EXOC4: variants seen among roughly 807,000 people sequenced by gnomAD.
The protein encoded by EXOC4 is SEC8-like 1.
A neutral mutation model predicts 107.2 loss-of-function variants in EXOC4; 71 were observed. The ratio of observed to expected loss-of-function variants is 0.66; its 90% CI spans 0.55 to 0.81. EXOC4 has a LOEUF of 0.81. EXOC4 is among the 30% of genes least tolerant of loss of function. The pLI, the probability that EXOC4 is intolerant of heterozygous loss-of-function variation, is 0.00. For missense variants in EXOC4, 1,108 were observed against 1,189.6 expected (o/e 0.93, Z 1.01); for synonymous variants, 456 against 441.2 (o/e 1.03, Z -0.42).
intron 10 of EXOC4, among the ~76,000 whole-genome samples, chr7:133,755,244 A>ATATATATTATATATATAATATATAGAT (rs1795878729): frequency 1.2e-5 from 1 of 82,324 alleles, no homozygotes; most frequent in African/African-American, 5.8e-5. Context: ...AATATATATA[A>ATATATATTATATATATAATATATAGAT]TATATATATT....
rs546684632 is a variant in EXOC4 at position 133,469,364 on chromosome 7, C to T, written c.1183-5964C>T. ...CTGGGAGGTGGCGGATGCAGTGAGCCGAGATCGTGCCACTGCACTCCAGCC... is the reference window on the plus strand; with the variant it reads ...CTGGGAGGTGGCGGATGCAGTGAGCTGAGATCGTGCCACTGCACTCCAGCC... On this transcript the variant is annotated intron_variant, in intron 7 of 17. Transcript: ENST00000253861. Among the ~76,000 whole-genome samples, 8 of 151,848 alleles carry T rather than the reference C, an allele frequency of 5.3e-5. 1 individual carries two copies. The South Asian group carries it at 8.3e-4, about 16-fold the overall frequency.
intron 9 of EXOC4, among the ~76,000 whole-genome samples, chr7:133,504,285 T>G (rs1371366087): frequency 1.3e-5 from 2 of 152,108 alleles, no homozygotes; most frequent in Admixed American, 1.3e-4. Context: ...GCATAGTAAT[T>G]AAGTGTGAAT....
chr7:134,069,339 TCTC>T (rs1287905345), downstream of EXOC4, among the ~76,000 whole-genome samples: 228 of 132,054 alleles, frequency 1.7e-3, no homozygotes, highest in Middle Eastern at 0.013. Flanking sequence ...TTCTCCTCCT[TCTC>T]CTCCTCCTTC....
At chr7:133,774,631 C>T (rs1796308938) in intron 10 of EXOC4, among the ~76,000 whole-genome samples, 1 of 151,810 alleles carries the variant, frequency 6.6e-6, no homozygotes, top group South Asian at 2.1e-4. Flanking sequence ...GCAGTTTAAA[C>T]AATCTACTTT....
chr7:133,581,841 T>C (rs1008770917), intron 9 of EXOC4, among the ~76,000 whole-genome samples: 2 of 150,990 alleles, frequency 1.3e-5, no homozygotes, highest in African/African-American at 4.9e-5. Flanking sequence ...CAGTTCTGCA[T>C]GGCTGGAGAG....
chr7:133,771,403 C>A (rs1796241901), intron 10 of EXOC4: 2 of 151,910 alleles, frequency 1.3e-5, no homozygotes, highest in African/African-American at 4.8e-5. Context: ...ATTCAGGCCT[C>A]ATTTCATCTT....
At chr7:134,075,826 C>G in the EXOC4 span, among the ~76,000 whole-genome samples, 2 of 152,190 alleles carry the variant, frequency 1.3e-5, no homozygotes, top group Admixed American at 6.5e-5. Context: ...TCAGTGCCCC[C>G]TCTGTCACAA....
At chr7:133,860,865 G>A (rs1798519462) in intron 11 of EXOC4, among the ~76,000 whole-genome samples, 1 of 149,242 alleles carries the variant, frequency 6.7e-6, no homozygotes, top group Non-Finnish European at 1.5e-5. Flanking sequence ...CAACATGTAT[G>A]TGTTTATTTC....
At chr7:133,260,756 A>G (rs769966308) in intron 1 of EXOC4, among the ~76,000 whole-genome samples, 3 of 152,048 alleles carry the variant, frequency 2.0e-5, no homozygotes, top group Non-Finnish European at 4.4e-5. Flanking sequence ...TGGATGGTAT[A>G]TGTCTCCATT....
chr7:133,932,960 C>G (rs1456945159), intron 13 of EXOC4, among the ~76,000 whole-genome samples: 1 of 151,892 alleles, frequency 6.6e-6, no homozygotes, highest in Non-Finnish European at 1.5e-5. Flanking sequence ...AAAATGTGAT[C>G]AGATACAGCA....
Position 134,007,699 on chromosome 7 carries a change from A to T in EXOC4, c.2551A>T (p.Ile851Phe). ...FEGLGHLISC[I>F]LINGAQYFRR... ...AGGCCTGGGCCACCTGATCTCCTGC[A>T]TCCTCATTAATGGTGCCCAGTACTT... The change falls in exon 17 of 18, where the codon ATC becomes TTC. Residue 851 changes from isoleucine to phenylalanine, a missense_variant. By Grantham distance (21) the Ile-to-Phe change is conservative. Transcript: ENST00000253861. 6.2e-7 allele frequency: 1 copy of T among 1,613,488 alleles called. No homozygotes were observed. Among genetic ancestry groups the T allele is most frequent in the Non-Finnish European group, 8.5e-7 (1 of 1,179,676 alleles).
the EXOC4 span, among the ~76,000 whole-genome samples, chr7:134,072,605 G>A: frequency 5.3e-5 from 8 of 152,148 alleles, no homozygotes; most frequent in East Asian, 3.9e-4. Flanking sequence ...TAAACTGTTC[G>A]CTATGCTAAG....
chr7:133,789,762 TTCTC>T lies in EXOC4; in HGVS notation c.1515-27561_1515-27558del, dbSNP rs550458928. ...TTGCAGGGTATGATGGGGAAAGACT[TTCTC>T]TGTTCAATTTCAGTTTCTAAGAATA... On this transcript the variant is annotated intron_variant, in intron 10 of 17. Coordinates refer to ENST00000253861, the MANE Select transcript of EXOC4 (RefSeq NM_021807.4). Among the ~76,000 whole-genome samples, 7 of 152,330 alleles carry T rather than the reference TTCTC, an allele frequency of 4.6e-5. No homozygotes were observed. In the East Asian group the frequency reaches 1.3e-3, roughly 29 times the overall value.
intron 10 of EXOC4, among the ~76,000 whole-genome samples, chr7:133,816,908 C>A (rs979617832): frequency 1.3e-5 from 2 of 152,196 alleles, no homozygotes; most frequent in East Asian, 3.9e-4. Context: ...GCCACAGACC[C>A]GTACTGGTTC....
At chr7:134,068,423 T>C (rs1387891027), downstream of EXOC4, among the ~76,000 whole-genome samples, 2 of 152,196 alleles carry the variant, frequency 1.3e-5, no homozygotes, top group African/African-American at 4.8e-5. Context: ...ACATTTCTCC[T>C]TGCCTACTGC....
At chr7:133,955,804 C>A (rs565868570) in intron 14 of EXOC4, among the ~76,000 whole-genome samples, 1 of 152,246 alleles carries the variant, frequency 6.6e-6, no homozygotes, top group African/African-American at 2.4e-5. Flanking sequence ...CGTGTCAGCA[C>A]TTCCCTGAGT....
intron 1 of EXOC4, among the ~76,000 whole-genome samples, chr7:133,267,563 CT>C (rs1793761513): frequency 1.3e-5 from 2 of 152,156 alleles, no homozygotes; most frequent in South Asian, 4.1e-4. Context: ...CCTTGCCTGT[CT>C]TGGCTTTTGC....
chr7:133,939,751 A>G (rs1223767195), intron 14 of EXOC4, among the ~76,000 whole-genome samples: 1 of 152,196 alleles, frequency 6.6e-6, no homozygotes, highest in East Asian at 1.9e-4. Flanking sequence ...CCAATTAAGG[A>G]TAGTTTGGGC....
chr7:133,999,530 T>C (rs1413379437), intron 15 of EXOC4, among the ~76,000 whole-genome samples: 1 of 152,204 alleles, frequency 6.6e-6, no homozygotes, highest in East Asian at 1.9e-4. Flanking sequence ...TGATTTGTTT[T>C]ACAATAATTT....
Sources: allele counts gnomAD v4.1 joint callset (sites outside exome capture counted in the v4.1 genomes callset), GRCh38; gene constraint gnomAD v4.1.1; transcripts MANE v1.5; gene names NCBI Gene and HGNC (gene_info 2026-07-23, HGNC 2026-07-21).